FOXN2: variants seen among roughly 807,000 people sequenced by gnomAD.
FOXN2 encodes forkhead box protein N2.
Under a neutral mutation model 41.2 loss-of-function variants are expected in FOXN2, and 19 were observed. The ratio of observed to expected loss-of-function variants is 0.46; its 90% CI spans 0.32 to 0.68. The LOEUF (loss-of-function observed/expected upper bound fraction) is 0.68, where lower values mean the gene tolerates loss of function less well. Ranked by LOEUF, FOXN2 falls within the 30% of genes least tolerant of loss-of-function variation. FOXN2 has a pLI of 0.03. For synonymous variants in FOXN2, 195 were observed against 176.8 expected, an observed-to-expected ratio of 1.10 and a Z score of -0.82; for missense variants, 587 against 509.4, an observed-to-expected ratio of 1.15 and a Z score of -1.47.
At chr2:48,347,624 G>A (rs1030217761) in intron 3 of FOXN2, among the ~76,000 whole-genome samples, 1 of 151,760 alleles carries the variant, frequency 6.6e-6, no homozygotes. Flanking sequence ...GTTGCTATAT[G>A]GTTTTCAGTA....
chr2:48,329,696 T>A (rs1027463215), intron 2 of FOXN2, among the ~76,000 whole-genome samples: 2 of 152,186 alleles, frequency 1.3e-5, no homozygotes, highest in African/African-American at 4.8e-5. Context: ...TTGCAGTACA[T>A]TTGGGATTTG....
At chr2:48,347,306 A>G (rs1671174735) in intron 3 of FOXN2, among the ~76,000 whole-genome samples, 1 of 142,430 alleles carries the variant, frequency 7.0e-6, no homozygotes, top group South Asian at 2.2e-4. Flanking sequence ...TGCTCACTGC[A>G]ACCTCCGTCT....
At chr2:48,331,897 A>G (rs1035507912) in intron 2 of FOXN2, among the ~76,000 whole-genome samples, 2 of 151,772 alleles carry the variant, frequency 1.3e-5, no homozygotes, top group African/African-American at 4.8e-5. Context: ...CATTAAATAT[A>G]TATTCATATA....
chr2:48,375,286 A>T lies in FOXN2; in HGVS notation c.1139A>T (p.Gln380Leu), dbSNP rs1345981721. The change falls in exon 7 of 7, where the codon CAG becomes CTG. Residue 380 changes from glutamine to leucine, a missense_variant. Gln to Leu is a moderately radical substitution (Grantham distance 113). Coordinates refer to ENST00000340553, the MANE Select transcript of FOXN2 (RefSeq NM_002158.4). The part of the protein sequence containing the change: ...QPCAKISEKG[Q>L]SGKKMRKQTC... Reference sequence around the variant, plus strand: ...TGTGCAAAAATCTCTGAAAAAGGGCAGTCAGGCAAAAAGATGCGAAAACAG... The same window carrying T: ...TGTGCAAAAATCTCTGAAAAAGGGCTGTCAGGCAAAAAGATGCGAAAACAG... The T allele has an allele frequency of 6.2e-7, 1 of 1,613,980 alleles. No homozygotes were observed. The highest frequency in any genetic ancestry group is 8.5e-7 in the Non-Finnish European group (1 of 1,180,016).
intron 1 of FOXN2, among the ~76,000 whole-genome samples, chr2:48,321,661 GTAT>G (rs1669330679): frequency 6.6e-6 from 1 of 151,836 alleles, no homozygotes; most frequent in Non-Finnish European, 1.5e-5. Flanking sequence ...AAGGGTAAAA[GTAT>G]TATTTAGTAC....
chr2:48,356,973 C>T (rs1671835628), intron 3 of FOXN2, among the ~76,000 whole-genome samples: 1 of 152,152 alleles, frequency 6.6e-6, no homozygotes, highest in Admixed American at 6.5e-5. Flanking sequence ...TAGTTTTAAA[C>T]AGTTATTATT....
intron 4 of FOXN2, 135 bp downstream of exon 4, chr2:48,359,282 G>T: frequency 1.5e-6 from 1 of 661,242 alleles, no homozygotes; most frequent in Non-Finnish European, 2.5e-6. Flanking sequence ...TTAGTTTTTA[G>T]TTTTTAGTTT....
At chr2:48,334,390 G>A (rs1164590422) in intron 2 of FOXN2, among the ~76,000 whole-genome samples, 2 of 152,174 alleles carry the variant, frequency 1.3e-5, no homozygotes, top group Non-Finnish European at 2.9e-5. Flanking sequence ...CTTCTCAAGT[G>A]TGCTGAGGGA....
At chr2:48,340,090 A>C (rs1341870945) in intron 2 of FOXN2, among the ~76,000 whole-genome samples, 2 of 152,222 alleles carry the variant, frequency 1.3e-5, no homozygotes, top group African/African-American at 4.8e-5. Context: ...AAGTATAAAG[A>C]AAAAACCTTT....
chr2:48,350,334 G>A (rs1671371578), intron 3 of FOXN2, among the ~76,000 whole-genome samples: 1 of 152,226 alleles, frequency 6.6e-6, no homozygotes, highest in Non-Finnish European at 1.5e-5. Context: ...TTTCCCAGTG[G>A]CAGCAGTTCT....
chr2:48,328,145 A>C (rs763294753), intron 1 of FOXN2, among the ~76,000 whole-genome samples: 3 of 152,242 alleles, frequency 2.0e-5, no homozygotes, highest in Non-Finnish European at 4.4e-5. Flanking sequence ...TTTTGATGAC[A>C]AGACCACGTG....
At position 48,376,956 on chromosome 2, in the gene FOXN2, A is replaced by C. The variant is rs1053585331; in HGVS notation, c.*1513A>C. The C allele has an allele frequency of 6.6e-6, 1 of 152,466 alleles. No homozygotes were observed. Among genetic ancestry groups the C allele is most frequent in the Non-Finnish European group, 1.5e-5 (1 of 67,934 alleles). The allele number at this position is 152,466 out of a possible 1,614,324, so 9.4% of individuals were successfully genotyped here. On this transcript the variant is annotated 3_prime_UTR_variant, in exon 7 of 7. Coordinates refer to ENST00000340553, the MANE Select transcript of FOXN2 (RefSeq NM_002158.4). ...GCTTTCAGCTGTTTCTGTGATTATAAAGCATTTTTTAAGAGACAAATTTTA... is the reference window on the plus strand; with the variant it reads ...GCTTTCAGCTGTTTCTGTGATTATACAGCATTTTTTAAGAGACAAATTTTA...
intron 2 of FOXN2, among the ~76,000 whole-genome samples, chr2:48,342,545 A>G (rs543263965): frequency 8.9e-4 from 136 of 152,004 alleles, no homozygotes; most frequent in African/African-American, 3.2e-3. Context: ...AAAATTGTTT[A>G]TTTTATATTT....
intron 2 of FOXN2, among the ~76,000 whole-genome samples, 199 bp from the exon 3 acceptor site, chr2:48,346,002 G>A (rs1419055408): frequency 6.6e-6 from 1 of 152,070 alleles, no homozygotes; most frequent in Non-Finnish European, 1.5e-5. Context: ...TTTATTTACA[G>A]CCATTTCAAC....
At position 48,378,807 on chromosome 2, in the gene FOXN2, T is replaced by C. The variant is rs1558648446; in HGVS notation, c.*3364T>C. On this transcript the variant is annotated 3_prime_UTR_variant, in exon 7 of 7. Coordinates refer to ENST00000340553, the MANE Select transcript of FOXN2 (RefSeq NM_002158.4). ...GGTGAATTCGAGTATTTTAATGTTA[T>C]ACCTGCCATTTTTTTTCTTAAAGCA... is the stretch of plus-strand genomic sequence containing the variant. 6.6e-6 allele frequency: 1 copy of C among 152,496 alleles called. No homozygotes were observed. Among genetic ancestry groups the C allele is most frequent in the Non-Finnish European group, 1.5e-5 (1 of 67,974 alleles). The allele number at this position is 152,496 out of a possible 1,614,324, so 9.4% of individuals were successfully genotyped here. A position where few individuals can be genotyped will look rare whatever the true frequency, so the allele number is the denominator to read the frequency against.
At chr2:48,341,978 C>T (rs1469935829) in intron 2 of FOXN2, among the ~76,000 whole-genome samples, 1 of 152,100 alleles carries the variant, frequency 6.6e-6, no homozygotes, top group Non-Finnish European at 1.5e-5. Flanking sequence ...TCTGATAAGT[C>T]CATGACCTTT....
intron 1 of FOXN2, among the ~76,000 whole-genome samples, chr2:48,325,844 CTTTTTTTTTTTT>C (rs959535701): frequency 3.9e-5 from 4 of 102,910 alleles, no homozygotes; most frequent in Admixed American, 3.1e-4. Context: ...CTCAAGATTT[CTTTTTTTTTTTT>C]TTTTTTTTTT....
intron 2 of FOXN2, chr2:48,340,697 G>A (rs1164859335): frequency 2.6e-5 from 4 of 152,070 alleles, no homozygotes; most frequent in Admixed American, 2.6e-4. Context: ...TCTCCATAGA[G>A]ACTGTCAAAA....
Position 48,320,608 on chromosome 2 carries a change from A to G in FOXN2, c.-157+5794A>G, listed in dbSNP as rs147919642. Among the ~76,000 whole-genome samples, 76 of 152,300 alleles carry G rather than the reference A, an allele frequency of 5.0e-4. 1 individual carries two copies. In the East Asian group the frequency reaches 0.014, roughly 29 times the overall value. On this transcript the variant is annotated intron_variant, in intron 1 of 6. Coordinates refer to ENST00000340553, the MANE Select transcript of FOXN2 (RefSeq NM_002158.4). The stretch of plus-strand genomic sequence containing the variant: ...CCTGGCCATAATTTAATTTTCAATA[A>G]TGCCGTAAGGAGTGTCATAGTCTCA...
Sources: allele counts gnomAD v4.1 joint callset (sites outside exome capture counted in the v4.1 genomes callset), GRCh38; gene constraint gnomAD v4.1.1; transcripts MANE v1.5; gene names NCBI Gene and HGNC (gene_info 2026-07-23, HGNC 2026-07-21).